The following DDX3Y variants were observed in gnomAD, a reference collection of about 807,000 sequenced individuals.
DDX3Y encodes DEAD-box helicase 3 Y-linked.
Under a neutral mutation model 15.1 loss-of-function variants are expected in DDX3Y, and 2 were observed. The ratio of observed to expected loss-of-function variants is 0.13; its 90% CI spans 0.05 to 0.42. The LOEUF is 0.42. DDX3Y is among the 10% of genes least tolerant of loss of function. The pLI is 0.99. For synonymous variants in DDX3Y, 47 were observed against 45.0 expected (o/e 1.04, Z -0.18); for missense variants, 81 against 149.9 (o/e 0.54, Z 2.40).
chrY:12,914,129 C>A, intron 7 of DDX3Y, among the ~76,000 whole-genome samples: 1 of 34,146 alleles, frequency 2.9e-5, no homozygotes. Flanking sequence ...AAACTGCAGC[C>A]TTTAGGTCAA....
At position 12,904,894 on chromosome Y, in the gene DDX3Y, C is replaced by T. The variant is rs1237395979; in HGVS notation, c.-43C>T. The T allele has an allele frequency of 2.6e-6, 1 of 390,044 alleles. No homozygotes were observed. The highest frequency in any genetic ancestry group is 3.0e-5 in the South Asian group (1 of 33,590). ...GTGTAAGAGTTCCGCTATTCGGTCT[C>T]ACACCTACAGTGGACTACCCGATTT... is the stretch of plus-strand genomic sequence containing the variant. On this transcript the variant is annotated 5_prime_UTR_variant, in exon 1 of 17. Coordinates refer to ENST00000336079, the MANE Select transcript of DDX3Y (RefSeq NM_004660.5).
intron 1 of DDX3Y, among the ~76,000 whole-genome samples, chrY:12,906,903 C>T: frequency 3.1e-5 from 1 of 32,649 alleles, no homozygotes; most frequent in South Asian, 6.9e-4. Context: ...TGCTTTTTAA[C>T]TTCGCAACCA....
intron 8 of DDX3Y, 97 bp downstream of exon 8, chrY:12,914,746 AT>A (rs576772325): frequency 3.8e-4 from 52 of 138,555 alleles, no homozygotes; most frequent in Admixed American, 1.2e-3. Context: ...CCTTATTTTC[AT>A]TTTTTTTTTT....
chrY:12,910,044 G>A (rs902819580), intron 3 of DDX3Y, among the ~76,000 whole-genome samples: 1 of 33,398 alleles, frequency 3.0e-5, no homozygotes. Context: ...AGGAAAGAAG[G>A]TAATGATAAA....
At chrY:12,908,861 T>G (rs2053619691) in intron 2 of DDX3Y, among the ~76,000 whole-genome samples, 1 of 32,688 alleles carries the variant, frequency 3.1e-5, no homozygotes, top group Admixed American at 2.7e-4. Flanking sequence ...TTTTTCTATT[T>G]TTTTTTAGTA....
Position 12,917,365 on chromosome Y carries a change from T to G in DDX3Y, c.1764-38T>G, listed in dbSNP as rs749408940. 7.7e-6 allele frequency: 3 copies of G among 391,461 alleles called. No individual in the cohort carries two copies. The Admixed American group carries it at 2.4e-4, about 31-fold the overall frequency. The stretch of plus-strand genomic sequence containing the variant: ...CAGTAATTTTCAGTTTAATTGAACT[T>G]TGTACTTAACACTGCCATGCCATAT... On this transcript the variant is annotated intron_variant, in intron 15 of 16. Transcript: ENST00000336079.
Position 12,920,260 on chromosome Y carries a change from T to G in DDX3Y, c.*2138T>G. Reference sequence around the variant, plus strand: ...ATTTTCAGTGATTGTCTGGTATATTTACAGTCCTCAAACATGGTTATTTCT... The same window carrying G: ...ATTTTCAGTGATTGTCTGGTATATTGACAGTCCTCAAACATGGTTATTTCT... On this transcript the variant is annotated 3_prime_UTR_variant, in exon 17 of 17. Transcript: ENST00000336079. The G allele has an allele frequency of 2.9e-5, 1 of 33,929 alleles. No homozygotes were observed. The highest frequency in any genetic ancestry group is 7.3e-5 in the Non-Finnish European group (1 of 13,623). 8.5% of individuals were successfully genotyped at this position (33,929 alleles called of 400,897 possible).
chrY:12,918,191 T>C lies in DDX3Y; in HGVS notation c.*69T>C, dbSNP rs2053656825. ...GAAACCACATGTAACTTAGCCAGAC[T>C]ATATTGTGTAGCTTCAAGAACTTGC... On this transcript the variant is annotated 3_prime_UTR_variant, in exon 17 of 17. Transcript: ENST00000336079. 9.8e-6 allele frequency: 2 copies of C among 204,441 alleles called. No individual in the cohort carries two copies. Among genetic ancestry groups the C allele is most frequent in the Admixed American group, 1.2e-4 (1 of 8,110 alleles). 51.0% of individuals were successfully genotyped at this position (204,441 alleles called of 400,897 possible). A position where few individuals can be genotyped will look rare whatever the true frequency, so the allele number is the denominator to read the frequency against.
intron 1 of DDX3Y, 123 bp downstream of exon 1, chrY:12,905,104 G>T: frequency 5.1e-6 from 1 of 197,838 alleles, no homozygotes; most frequent in Non-Finnish European, 9.1e-6. Flanking sequence ...TATGTGACTG[G>T]GACTCTAGGG....
chrY:12,906,473 A>G, intron 1 of DDX3Y, among the ~76,000 whole-genome samples: 1 of 33,869 alleles, frequency 3.0e-5, no homozygotes, highest in Non-Finnish European at 7.3e-5. Flanking sequence ...TATGTTTTCT[A>G]TGTAATTGGC....
At chrY:12,904,319 G>C (rs2053604787), upstream of DDX3Y, 1 of 34,755 alleles carries the variant, frequency 2.9e-5, no homozygotes. Flanking sequence ...ACGTAAAATG[G>C]TCACTGCGCC....
rs1476515388 is a variant in DDX3Y, at chrY:12,916,646, G to T, written c.1609+12G>T. ...TGTAGGAAACCTGGGTAAGGGGTTTGTTAGTTCATTTTTTTTTAATTGTGA... is the reference window on the plus strand; with the variant it reads ...TGTAGGAAACCTGGGTAAGGGGTTTTTTAGTTCATTTTTTTTTAATTGTGA... On this transcript the variant is annotated intron_variant, in intron 14 of 16. Transcript: ENST00000336079. The T allele has an allele frequency of 3.4e-5, 12 of 356,997 alleles. No individual in the cohort carries two copies. Among genetic ancestry groups the T allele is most frequent in the Non-Finnish European group, 4.8e-5 (12 of 248,730 alleles). 89.0% of individuals were successfully genotyped at this position (356,997 alleles called of 400,897 possible).
At chrY:12,917,587 T>C in intron 16 of DDX3Y, 45 bp downstream of exon 16, 1 of 311,593 alleles carries the variant, frequency 3.2e-6, no homozygotes, top group Admixed American at 1.4e-4. Context: ...GTTTTTCTTT[T>C]TTTTTTTTTT....
At position 12,918,639 on chromosome Y, in the gene DDX3Y, T is replaced by C. The variant is rs2053658107; in HGVS notation, c.*517T>C. 3.0e-5 allele frequency: 1 copy of C among 33,720 alleles called. No individual in the cohort carries two copies. Among genetic ancestry groups the C allele is most frequent in the Non-Finnish European group, 7.3e-5 (1 of 13,677 alleles). 8.4% of individuals were successfully genotyped at this position (33,720 alleles called of 400,897 possible). A position where few individuals can be genotyped will look rare whatever the true frequency, so the allele number is the denominator to read the frequency against. On this transcript the variant is annotated 3_prime_UTR_variant, in exon 17 of 17. Coordinates refer to ENST00000336079, the MANE Select transcript of DDX3Y (RefSeq NM_004660.5). ...TTAAGGCAGTAGTCTGCATTAGGAC[T>C]GTTTGAGTTTTGCAGACTTGGGGTT...
intron 1 of DDX3Y, among the ~76,000 whole-genome samples, chrY:12,907,084 T>G: frequency 3.2e-5 from 1 of 31,313 alleles, no homozygotes; most frequent in Non-Finnish European, 7.7e-5. Flanking sequence ...TTAAAAATAG[T>G]TGTACCGTCT....
intron 4 of DDX3Y, 128 bp from the exon 5 acceptor site, chrY:12,912,599 A>G: frequency 4.3e-6 from 1 of 232,819 alleles, no homozygotes. Flanking sequence ...AGAAACGAAT[A>G]TTGAATTGCC....
intron 2 of DDX3Y, among the ~76,000 whole-genome samples, chrY:12,908,692 TC>T (rs2053618726): frequency 2.9e-5 from 1 of 33,922 alleles, no homozygotes; most frequent in Non-Finnish European, 7.4e-5. Flanking sequence ...GAATTTTTTT[TC>T]TTTTTTTGAG....
chrY:12,917,573 T>C, intron 16 of DDX3Y, 31 bp downstream of exon 16: 1 of 366,426 alleles, frequency 2.7e-6, no homozygotes, highest in Non-Finnish European at 3.7e-6. Flanking sequence ...AGGAAGGGCT[T>C]TTTGTTTTTC....
intron 4 of DDX3Y, 56 bp downstream of exon 4, chrY:12,912,024 G>A: frequency 4.1e-6 from 1 of 246,072 alleles, no homozygotes; most frequent in African/African-American, 7.7e-5. Context: ...TAATTTGGTA[G>A]GTTCTCATTC....
Sources: gnomAD v4.1 joint callset for allele counts (sites outside exome capture counted in the v4.1 genomes callset) on GRCh38, gnomAD v4.1.1 for gene constraint, MANE v1.5 for transcripts, NCBI Gene and HGNC (gene_info 2026-07-23, HGNC 2026-07-21) for gene names.